The following ZBBX variants were observed in gnomAD, a reference collection of about 807,000 sequenced individuals.
ZBBX encodes the protein zinc finger B-box domain-containing protein 1.
In ZBBX, 101 loss-of-function variants were observed where a neutral mutation model predicts 108.5. The observed-to-expected ratio is 0.93, with a 90% confidence interval of 0.79 to 1.10. The LOEUF is 1.10. Among genes scored for constraint, ZBBX ranks in the 50% least tolerant of loss-of-function variants. The pLI, the probability that ZBBX is intolerant of heterozygous loss-of-function variation, is 0.00. For missense variants in ZBBX, 1,009 were observed against 941.4 expected, an observed-to-expected ratio of 1.07 and a Z score of -0.94; for synonymous variants, 356 against 323.4, an observed-to-expected ratio of 1.10 and a Z score of -1.08.
chr3:167,197,765 G>A, the ZBBX span, among the ~76,000 whole-genome samples: 1 of 152,216 alleles, frequency 6.6e-6, no homozygotes, highest in Admixed American at 6.5e-5. Flanking sequence ...AAAGATAATA[G>A]TCATCAAATC....
At chr3:167,337,895 T>C (rs1270643122) in intron 9 of ZBBX, among the ~76,000 whole-genome samples, 2 of 152,160 alleles carry the variant, frequency 1.3e-5, no homozygotes, top group Non-Finnish European at 2.9e-5. Context: ...TATTTTCAAA[T>C]GTTAAAACTC....
chr3:167,308,657 G>A (rs992256868), intron 16 of ZBBX, among the ~76,000 whole-genome samples: 1 of 152,128 alleles, frequency 6.6e-6, no homozygotes, highest in Non-Finnish European at 1.5e-5. Flanking sequence ...GCATGGACAT[G>A]GATGGAGCTG....
At chr3:167,332,761 T>C (rs1738865357) in intron 10 of ZBBX, among the ~76,000 whole-genome samples, 1 of 152,210 alleles carries the variant, frequency 6.6e-6, no homozygotes, top group Non-Finnish European at 1.5e-5. Context: ...AACCACAGTC[T>C]CTGCAAAATA....
intron 12 of ZBBX, among the ~76,000 whole-genome samples, chr3:167,320,988 G>A (rs1176337283): frequency 1.3e-5 from 2 of 151,958 alleles, no homozygotes; most frequent in Non-Finnish European, 2.9e-5. Context: ...ATGGGGTAAG[G>A]ATAATAGTGA....
At chr3:167,374,488 A>G (rs1319459876) in intron 2 of ZBBX, among the ~76,000 whole-genome samples, 1 of 152,226 alleles carries the variant, frequency 6.6e-6, no homozygotes, top group Non-Finnish European at 1.5e-5. Context: ...TTTTAAAGAA[A>G]TATGAGTCAA....
intron 2 of ZBBX, among the ~76,000 whole-genome samples, chr3:167,377,682 ATT>A (rs925972276): frequency 1.3e-5 from 2 of 151,636 alleles, no homozygotes; most frequent in African/African-American, 2.4e-5. Context: ...AAATATATAT[ATT>A]TTTTAAAATA....
At chr3:167,308,168 C>G (rs4955788) in intron 16 of ZBBX, among the ~76,000 whole-genome samples, 127,802 of 152,210 alleles carry the variant, frequency 0.84, 53,945 homozygotes, top group African/African-American at 0.94. Flanking sequence ...AGACACTTTC[C>G]TAAAAGGGAC....
upstream of ZBBX, among the ~76,000 whole-genome samples, chr3:167,385,114 T>C (rs558306584): frequency 1.8e-4 from 27 of 152,076 alleles, no homozygotes; most frequent in Non-Finnish European, 3.4e-4. Flanking sequence ...TGAGGATATG[T>C]TCTAAGAAAT....
chr3:167,184,556 T>C, the ZBBX span, among the ~76,000 whole-genome samples: 2 of 152,048 alleles, frequency 1.3e-5, no homozygotes, highest in African/African-American at 2.4e-5. Flanking sequence ...CTATATATAA[T>C]GGATGGGCTC....
At chr3:167,313,706 C>T (rs1184434423) in intron 16 of ZBBX, among the ~76,000 whole-genome samples, 1 of 152,118 alleles carries the variant, frequency 6.6e-6, no homozygotes, top group Admixed American at 6.6e-5. Flanking sequence ...CACTGAAAGG[C>T]CTTCCATGTA....
intron 20 of ZBBX, among the ~76,000 whole-genome samples, chr3:167,273,638 G>C (rs959936384): frequency 1.3e-5 from 2 of 152,092 alleles, no homozygotes; most frequent in Non-Finnish European, 2.9e-5. Flanking sequence ...TCAAGCAGAT[G>C]TATGGTGGTG....
At chr3:167,242,829 C>T (rs1300796450) in intron 20 of ZBBX, among the ~76,000 whole-genome samples, 186 bp from the exon 21 acceptor site, 1 of 151,956 alleles carries the variant, frequency 6.6e-6, no homozygotes, top group Non-Finnish European at 1.5e-5. Flanking sequence ...CAAATTGGGG[C>T]ATGGGTAGCA....
intron 12 of ZBBX, among the ~76,000 whole-genome samples, chr3:167,318,283 T>C (rs1029479871): frequency 3.7e-4 from 56 of 151,994 alleles, no homozygotes; most frequent in East Asian, 1.9e-4. Context: ...AAAGTCCCCA[T>C]GTAAAAGCCA....
At chr3:167,327,309 T>C (rs1266549121) in intron 11 of ZBBX, among the ~76,000 whole-genome samples, 1 of 152,122 alleles carries the variant, frequency 6.6e-6, no homozygotes, top group Non-Finnish European at 1.5e-5. Flanking sequence ...TTTTATGTGT[T>C]ACAATTACTG....
chr3:167,195,180 T>C, the ZBBX span, among the ~76,000 whole-genome samples: 2 of 152,154 alleles, frequency 1.3e-5, no homozygotes, highest in Non-Finnish European at 2.9e-5. Flanking sequence ...CTTGGGAGGA[T>C]AATCAGTGAC....
At chr3:167,207,856 T>C in the ZBBX span, among the ~76,000 whole-genome samples, 2 of 152,004 alleles carry the variant, frequency 1.3e-5, no homozygotes, top group South Asian at 2.1e-4. Flanking sequence ...GAACCAAAAA[T>C]CAGTTGAGCA....
intron 16 of ZBBX, among the ~76,000 whole-genome samples, chr3:167,312,270 G>T (rs1344111011): frequency 6.6e-6 from 1 of 152,170 alleles, no homozygotes; most frequent in African/African-American, 2.4e-5. Context: ...TGGTTGCCAG[G>T]AGTTGGTCAG....
At chr3:167,318,534 T>C (rs897085715) in intron 12 of ZBBX, among the ~76,000 whole-genome samples, 1 of 151,966 alleles carries the variant, frequency 6.6e-6, no homozygotes, top group Non-Finnish European at 1.5e-5. Context: ...AAAACCATGT[T>C]CTTAACCACG....
At chr3:167,287,571 A>G (rs1246051452) in intron 19 of ZBBX, among the ~76,000 whole-genome samples, 3 of 152,150 alleles carry the variant, frequency 2.0e-5, no homozygotes, top group South Asian at 2.1e-4. Flanking sequence ...AATGTTTTTT[A>G]TAGCAAATTA....
Sources: allele counts gnomAD v4.1 joint callset (sites outside exome capture counted in the v4.1 genomes callset), GRCh38; gene constraint gnomAD v4.1.1; transcripts MANE v1.5; gene names NCBI Gene and HGNC (gene_info 2026-07-23, HGNC 2026-07-21).